ZBTB7C: variants seen among roughly 807,000 people sequenced by gnomAD.
ZBTB7C encodes zinc finger and BTB domain containing 7C.
Under a neutral mutation model 25.7 loss-of-function variants are expected in ZBTB7C, and 8 were observed. The ratio of observed to expected loss-of-function variants is 0.31; its 90% CI spans 0.18 to 0.56. The LOEUF (loss-of-function observed/expected upper bound fraction) is 0.56, where lower values mean the gene tolerates loss of function less well. Among genes scored for constraint, ZBTB7C ranks in the 20% least tolerant of loss-of-function variants. The pLI is 0.91. For synonymous variants in ZBTB7C, 394 were observed against 369.0 expected (o/e 1.07, Z -0.78); for missense variants, 824 against 855.2 (o/e 0.96, Z 0.46).
chr18:48,098,744 G>A (rs1252539194), intron 3 of ZBTB7C, among the ~76,000 whole-genome samples: 1 of 152,146 alleles, frequency 6.6e-6, no homozygotes, highest in African/African-American at 2.4e-5. Flanking sequence ...CTCAGGGATG[G>A]ACATGTGACA....
At chr18:48,301,948 G>A (rs868569370) in intron 2 of ZBTB7C, among the ~76,000 whole-genome samples, 75 of 152,286 alleles carry the variant, frequency 4.9e-4, no homozygotes, top group African/African-American at 1.8e-3. Flanking sequence ...ACATAAAGGC[G>A]AGAGTCTTCA....
chr18:48,409,179 G>GCGACCCCGGCAGCCGGCGCC (rs2048350825), intron 1 of ZBTB7C, 47 bp downstream of exon 1: 4 of 144,260 alleles, frequency 2.8e-5, no homozygotes, highest in Non-Finnish European at 6.1e-5. Flanking sequence ...TGTGGAGATC[G>GCGACCCCGGCAGCCGGCGCC]CGACCCCGGC....
intron 1 of ZBTB7C, among the ~76,000 whole-genome samples, chr18:48,398,031 G>A (rs2048068480): frequency 6.6e-6 from 1 of 152,154 alleles, no homozygotes; most frequent in African/African-American, 2.4e-5. Flanking sequence ...TCACCTTCAA[G>A]CCTGCTGATG....
At chr18:48,080,775 G>C (rs2037951845) in intron 3 of ZBTB7C, among the ~76,000 whole-genome samples, 2 of 152,090 alleles carry the variant, frequency 1.3e-5, no homozygotes, top group Non-Finnish European at 2.9e-5. Context: ...AGCCCACAAG[G>C]CCAGGCAACC....
intron 3 of ZBTB7C, among the ~76,000 whole-genome samples, chr18:48,064,996 A>C (rs2037270436): frequency 6.6e-6 from 1 of 152,190 alleles, no homozygotes; most frequent in Admixed American, 6.5e-5. Flanking sequence ...CACAGACTTT[A>C]ACCGCCAAAC....
intron 2 of ZBTB7C, among the ~76,000 whole-genome samples, chr18:48,250,558 G>A (rs2144426968): frequency 6.6e-6 from 1 of 152,096 alleles, no homozygotes. Flanking sequence ...ACTGTGGTAT[G>A]TGCCCATACT....
chr18:48,394,021 C>G (rs572855471), intron 1 of ZBTB7C, among the ~76,000 whole-genome samples: 1 of 152,280 alleles, frequency 6.6e-6, no homozygotes, highest in Non-Finnish European at 1.5e-5. Context: ...GTCAACAATG[C>G]TACAGTGGAT....
chr18:48,225,854 T>C (rs1218688150), intron 2 of ZBTB7C, among the ~76,000 whole-genome samples: 1 of 152,178 alleles, frequency 6.6e-6, no homozygotes, highest in Non-Finnish European at 1.5e-5. Context: ...GTGATTCTCC[T>C]GCCTCAGCCT....
chr18:48,198,079 T>C (rs1361289436), intron 2 of ZBTB7C, among the ~76,000 whole-genome samples: 2 of 152,228 alleles, frequency 1.3e-5, no homozygotes, highest in Admixed American at 1.3e-4. Context: ...CCTTCTTGCA[T>C]AACGTTGTAC....
At chr18:48,270,290 G>A (rs542237103) in intron 2 of ZBTB7C, among the ~76,000 whole-genome samples, 8 of 119,018 alleles carry the variant, frequency 6.7e-5, no homozygotes, top group South Asian at 2.6e-4. Context: ...ATGGAGTCTC[G>A]CTCTGTTGCC....
intron 2 of ZBTB7C, among the ~76,000 whole-genome samples, chr18:48,306,691 T>G (rs997101337): frequency 6.6e-6 from 1 of 152,126 alleles, no homozygotes; most frequent in African/African-American, 2.4e-5. Context: ...CTCCTACAAG[T>G]GAATATGTAG....
At chr18:48,098,174 G>A (rs1240165071) in intron 3 of ZBTB7C, among the ~76,000 whole-genome samples, 1 of 152,136 alleles carries the variant, frequency 6.6e-6, no homozygotes, top group Non-Finnish European at 1.5e-5. Context: ...TCACTCTGAC[G>A]GGGCCTTTTG....
chr18:48,387,427 G>A (rs1054026139), intron 1 of ZBTB7C, among the ~76,000 whole-genome samples: 1 of 152,218 alleles, frequency 6.6e-6, no homozygotes, highest in Non-Finnish European at 1.5e-5. Flanking sequence ...CTAACAGGCA[G>A]TTGTAATGGA....
intron 4 of ZBTB7C, among the ~76,000 whole-genome samples, chr18:48,036,233 C>T (rs975033725): frequency 2.6e-5 from 4 of 152,218 alleles, no homozygotes; most frequent in Admixed American, 6.5e-5. Context: ...CATTGTGGGG[C>T]GGCCTCTGTC....
chr18:48,252,384 G>C (rs1330235782), intron 2 of ZBTB7C: 1 of 152,176 alleles, frequency 6.6e-6, no homozygotes, highest in Non-Finnish European at 1.5e-5. Flanking sequence ...GTACATTTGG[G>C]CCTAAAGATA....
intron 3 of ZBTB7C, among the ~76,000 whole-genome samples, chr18:48,068,464 G>A (rs1328980926): frequency 6.6e-6 from 1 of 151,604 alleles, no homozygotes; most frequent in Admixed American, 6.6e-5. Context: ...CTTAACCCAG[G>A]CTACACATCA....
chr18:48,327,394 C>T (rs1459331593), intron 2 of ZBTB7C, among the ~76,000 whole-genome samples: 20 of 152,200 alleles, frequency 1.3e-4, no homozygotes, highest in Non-Finnish European at 2.9e-4. Context: ...AATATACGCT[C>T]ATTTTAAGGC....
chr18:48,051,746 G>C (rs1352560946), intron 3 of ZBTB7C, among the ~76,000 whole-genome samples: 1 of 152,284 alleles, frequency 6.6e-6, no homozygotes, highest in Admixed American at 6.5e-5. Context: ...GCTCGTTTCA[G>C]TTTGCTAGGG....
chr18:48,335,948 G>A (rs915875945), intron 2 of ZBTB7C, among the ~76,000 whole-genome samples: 1 of 152,026 alleles, frequency 6.6e-6, no homozygotes, highest in African/African-American at 2.4e-5. Flanking sequence ...TCTGAAGCCC[G>A]CCCCAGTGGC....
Sources: gnomAD v4.1 joint callset for allele counts (sites outside exome capture counted in the v4.1 genomes callset) on GRCh38, gnomAD v4.1.1 for gene constraint, MANE v1.5 for transcripts, NCBI Gene and HGNC (gene_info 2026-07-23, HGNC 2026-07-21) for gene names.